The following NUP155 variants were observed in gnomAD, a reference collection of about 807,000 sequenced individuals.
NUP155 encodes the protein nucleoporin 155, also known as nuclear pore complex protein Nup155.
A neutral mutation model predicts 180.4 loss-of-function variants in NUP155; 71 were observed. The observed-to-expected ratio is 0.39, with a 90% confidence interval of 0.33 to 0.48. NUP155 has a LOEUF of 0.48. NUP155 is among the 20% of genes least tolerant of loss of function. The pLI is 0.91. For synonymous variants in NUP155, 582 were observed against 559.5 expected (o/e 1.04, Z -0.57); for missense variants, 1,553 against 1,648.9 (o/e 0.94, Z 1.01).
At chr5:37,367,344 T>C (rs1747660102) in intron 1 of NUP155, among the ~76,000 whole-genome samples, 1 of 151,406 alleles carries the variant, frequency 6.6e-6, no homozygotes, top group African/African-American at 2.4e-5. Context: ...CCTCCCGAGA[T>C]GCCAGGACTA....
chr5:37,356,739 G>A (rs1279387316), intron 4 of NUP155, among the ~76,000 whole-genome samples: 1 of 152,066 alleles, frequency 6.6e-6, no homozygotes, highest in East Asian at 1.9e-4. Context: ...CATTATGAGG[G>A]TGAAACAATA....
intron 9 of NUP155, among the ~76,000 whole-genome samples, chr5:37,346,808 A>G (rs1308633270): frequency 6.6e-6 from 1 of 152,220 alleles, no homozygotes; most frequent in East Asian, 1.9e-4. Flanking sequence ...GTTAGATCTC[A>G]GGCAAATCAT....
At chr5:37,327,510 G>C in intron 18 of NUP155, 119 bp downstream of exon 18, 1 of 1,064,978 alleles carries the variant, frequency 9.4e-7, no homozygotes, top group South Asian at 1.4e-5. Context: ...TGATCAACAA[G>C]TGAGCTAAAA....
intron 22 of NUP155, among the ~76,000 whole-genome samples, chr5:37,311,771 G>T (rs539080546): frequency 1.3e-5 from 2 of 150,872 alleles, no homozygotes; most frequent in Non-Finnish European, 2.9e-5. Flanking sequence ...TGTAATCCCA[G>T]CACTTTGGGA....
In NUP155 at chr5:37,288,471, G is replaced by GT. The variant is rs1477821142; in HGVS notation, c.*3428dup. ...CAAGATAGCTTTCTCTTTCCTAACC[G>GT]TTTTGCCATACTACAATGATCTAGT... On this transcript the variant is annotated 3_prime_UTR_variant, in exon 35 of 35. Transcript: ENST00000231498. 1.3e-5 allele frequency: 2 copies of GT among 152,042 alleles called. No individual in the cohort carries two copies. The highest frequency in any genetic ancestry group is 1.5e-5 in the Non-Finnish European group (1 of 68,008). 9.4% of individuals were successfully genotyped at this position (152,042 alleles called of 1,614,324 possible). A position where few individuals can be genotyped will look rare whatever the true frequency, so the allele number is the denominator to read the frequency against.
chr5:37,361,352 A>C (rs1747211873), intron 3 of NUP155, among the ~76,000 whole-genome samples: 1 of 152,048 alleles, frequency 6.6e-6, no homozygotes, highest in Non-Finnish European at 1.5e-5. Context: ...AAAAATTCTA[A>C]AAATAATAGA....
chr5:37,309,562 A>AT, intron 23 of NUP155: 2 of 288,520 alleles, frequency 6.9e-6, no homozygotes, highest in Non-Finnish European at 1.3e-5. Flanking sequence ...TGATTTATTT[A>AT]TTTTTTCCAC....
At chr5:37,307,209 AAAAACAT>A (rs1356517773) in intron 25 of NUP155, 81 bp downstream of exon 25, 2 of 1,404,948 alleles carry the variant, frequency 1.4e-6, no homozygotes, top group East Asian at 2.3e-5. Flanking sequence ...AAAAAAAAAA[AAAAACAT>A]AAAACAAAAA....
intron 7 of NUP155, among the ~76,000 whole-genome samples, chr5:37,349,877 C>T (rs898634975): frequency 6.6e-6 from 1 of 152,178 alleles, no homozygotes; most frequent in Non-Finnish European, 1.5e-5. Flanking sequence ...ATGTCTGTCT[C>T]TCTCACATAC....
chr5:37,358,686 A>AT (rs1747000640), intron 3 of NUP155, among the ~76,000 whole-genome samples: 1 of 152,052 alleles, frequency 6.6e-6, no homozygotes, highest in Non-Finnish European at 1.5e-5. Flanking sequence ...GAACTCCTGA[A>AT]TGCTCTTTAT....
Position 37,305,128 on chromosome 5 carries a change from G to T in NUP155, c.2986C>A (p.Pro996Thr), listed in dbSNP as rs139217838. Residue 996 changes from proline (P) to threonine (T), a missense_variant, in exon 26 of 35, where the codon CCC (proline) becomes ACC (threonine). Transcript: ENST00000231498. ...AACACTGGAGGACCAGGTTTTTTGGGTACACTGGGAGACTGAGGAGCGGCC... is the reference window on the plus strand; with the variant it reads ...AACACTGGAGGACCAGGTTTTTTGGTTACACTGGGAGACTGAGGAGCGGCC... ...SKAAPQSPSV[P>T]KKPGPPVLSS... 1 of 1,613,852 alleles carries T rather than the reference G, an allele frequency of 6.2e-7. No individual in the cohort carries two copies. Among genetic ancestry groups the T allele is most frequent in the African/African-American group, 1.3e-5 (1 of 74,914 alleles).
rs570903060 is a variant in NUP155 at position 37,364,056 on chromosome 5, A to C, written c.296-72T>G. 5.3e-5 allele frequency: 69 copies of C among 1,294,564 alleles called. 1 individual carries two copies. Among genetic ancestry groups the C allele is most frequent in the Admixed American group, 2.4e-4 (14 of 59,192 alleles). 80.2% of individuals were successfully genotyped at this position (1,294,564 alleles called of 1,614,324 possible). ...CTTTAACTTGTTTCAATAGCTTTTG[A>C]CTTAATATTTACGTAAAAAATCACA... On this transcript the variant is annotated intron_variant, in intron 2 of 34. Coordinates refer to ENST00000231498, the MANE Select transcript of NUP155 (RefSeq NM_153485.3).
At chr5:37,365,579 G>A (rs1740809585) in intron 1 of NUP155, among the ~76,000 whole-genome samples, 1 of 151,054 alleles carries the variant, frequency 6.6e-6, no homozygotes, top group South Asian at 2.1e-4. Flanking sequence ...ACAGTAGCAA[G>A]CACCTATAAT....
At position 37,348,198 on chromosome 5, in the gene NUP155, G is replaced by A. The variant is rs1746227181; in HGVS notation, c.995+307C>T. Among the ~76,000 whole-genome samples, 6 of 152,060 alleles carry A rather than the reference G, an allele frequency of 3.9e-5. No individual in the cohort carries two copies. In the South Asian group the frequency reaches 1.2e-3, roughly 31 times the overall value. On this transcript the variant is annotated intron_variant, in intron 9 of 34. Transcript: ENST00000231498. ...AGGCACCTGTAATCTCAGCTACTAG[G>A]GAGCCTGTGGCAGGAGAATCAGTTG... is the stretch of plus-strand genomic sequence containing the variant.
intron 32 of NUP155, among the ~76,000 whole-genome samples, chr5:37,296,975 G>C (rs1038927951): frequency 1.6e-4 from 25 of 152,168 alleles, no homozygotes; most frequent in Middle Eastern, 6.8e-3. Flanking sequence ...TCAGGAGTTC[G>C]AGACCAGCCT....
In NUP155 at chr5:37,320,556, T is replaced by G. The variant is rs180967975; in HGVS notation, c.2208-2471A>C. ...GCAAGTAGAGCTAGACAAGAAAAGA[T>G]GGAAAAGATGAAACTATCTCTGTTT... On this transcript the variant is annotated intron_variant, in intron 20 of 34. Transcript: ENST00000231498. 2.3e-3 allele frequency among the ~76,000 whole-genome samples: 344 copies of G among 152,190 alleles called. 2 individuals are homozygous for G. The highest frequency in any genetic ancestry group is 8.0e-3 in the African/African-American group (334 of 41,504).
At chr5:37,363,783 G>T in intron 3 of NUP155, 105 bp downstream of exon 3, 1 of 775,834 alleles carries the variant, frequency 1.3e-6, no homozygotes. Context: ...CCAAAGGCTA[G>T]ATGAATGAAA....
rs1742166564 is a variant in NUP155, at chr5:37,290,013, A to G, written c.*1887T>C. 6.6e-6 allele frequency: 1 copy of G among 152,232 alleles called. No individual in the cohort carries two copies. Among genetic ancestry groups the G allele is most frequent in the Non-Finnish European group, 1.5e-5 (1 of 68,036 alleles). The allele number at this position is 152,232 out of a possible 1,614,324, so 9.4% of individuals were successfully genotyped here. Reference sequence around the variant, plus strand: ...ATTAAATATTCTACATTAGAAGATTATAGGGAAAAGGGAGCTGAATTCTAA... The same window carrying G: ...ATTAAATATTCTACATTAGAAGATTGTAGGGAAAAGGGAGCTGAATTCTAA... On this transcript the variant is annotated 3_prime_UTR_variant, in exon 35 of 35. Coordinates refer to ENST00000231498, the MANE Select transcript of NUP155 (RefSeq NM_153485.3).
Position 37,317,579 on chromosome 5 carries a change from G to C in NUP155, c.2305+409C>G, listed in dbSNP as rs141731172. Among the ~76,000 whole-genome samples the C allele has an allele frequency of 6.8e-3, 1,037 of 152,004 alleles. 9 individuals are homozygous for C. Among genetic ancestry groups the C allele is most frequent in the South Asian group, 0.027 (132 of 4,812 alleles). Reference sequence around the variant, plus strand: ...AAAAAAAACATAATGAAATAGGTGTGTATCATGTTTTCTGGTGGAGGAAGG... The same window carrying C: ...AAAAAAAACATAATGAAATAGGTGTCTATCATGTTTTCTGGTGGAGGAAGG... On this transcript the variant is annotated intron_variant, in intron 21 of 34. Coordinates refer to ENST00000231498, the MANE Select transcript of NUP155 (RefSeq NM_153485.3).
Sources: allele counts gnomAD v4.1 joint callset (sites outside exome capture counted in the v4.1 genomes callset), GRCh38; gene constraint gnomAD v4.1.1; transcripts MANE v1.5; gene names NCBI Gene and HGNC (gene_info 2026-07-23, HGNC 2026-07-21).